The following CDH11 variants were observed in gnomAD, a reference collection of about 807,000 sequenced individuals.
CDH11 encodes cadherin-11.
CDH11 carries 11 observed loss-of-function variants against 67.8 expected under a neutral mutation model. The observed-to-expected ratio is 0.16, with a 90% confidence interval of 0.10 to 0.27. The LOEUF (loss-of-function observed/expected upper bound fraction) is 0.27, where lower values mean the gene tolerates loss of function less well. CDH11 is among the 10% of genes least tolerant of loss of function. The pLI, the probability that CDH11 is intolerant of heterozygous loss-of-function variation, is 1.00. For missense variants in CDH11, 847 were observed against 1,031.2 expected, an observed-to-expected ratio of 0.82 and a Z score of 2.45; for synonymous variants, 419 against 400.0, an observed-to-expected ratio of 1.05 and a Z score of -0.57.
chr16:65,006,486 C>A (rs2073057262), intron 2 of CDH11, among the ~76,000 whole-genome samples: 1 of 152,142 alleles, frequency 6.6e-6, no homozygotes, highest in South Asian at 2.1e-4. Context: ...ATTTTACAAT[C>A]TGGGTTACTC....
At position 65,032,325 on chromosome 16, in the gene CDH11, A is replaced by C. The variant is rs868648836; in HGVS notation, c.-173+21479T>G. On this transcript the variant is annotated intron_variant, in intron 2 of 12. Coordinates refer to ENST00000268603, the MANE Select transcript of CDH11 (RefSeq NM_001797.4). ...AACATGGAGAAACTCTGTCTCTCCC[A>C]AAAAAAAAAAAAAAAAAATCCAGGC... Among the ~76,000 whole-genome samples, 511 of 80,558 alleles carry C rather than the reference A, an allele frequency of 6.3e-3. 5 individuals carry two copies. The highest frequency in any genetic ancestry group is 3.1e-3 in the Non-Finnish European group (146 of 47,432). 52.8% of individuals were successfully genotyped at this position (80,558 alleles called of 152,430 possible). A position where few individuals can be genotyped will look rare whatever the true frequency, so the allele number is the denominator to read the frequency against.
chr16:64,949,672 T>C (rs2071303502), intron 12 of CDH11, among the ~76,000 whole-genome samples: 1 of 152,102 alleles, frequency 6.6e-6, no homozygotes, highest in Non-Finnish European at 1.5e-5. Flanking sequence ...GTGATCAGCC[T>C]GCCTCCGCCT....
intron 1 of CDH11, among the ~76,000 whole-genome samples, chr16:65,088,225 A>G (rs574092256): frequency 6.6e-6 from 1 of 152,220 alleles, no homozygotes; most frequent in Non-Finnish European, 1.5e-5. Flanking sequence ...ATCAGCTGGC[A>G]CCTTGATCTT....
intron 3 of CDH11, among the ~76,000 whole-genome samples, chr16:65,000,304 T>G (rs1336055331): frequency 6.6e-6 from 1 of 152,188 alleles, no homozygotes; most frequent in East Asian, 1.9e-4. Flanking sequence ...CGCCTTGTTG[T>G]TCAATCTCAA....
At chr16:65,120,374 G>A (rs927375894) in intron 1 of CDH11, among the ~76,000 whole-genome samples, 25 of 152,286 alleles carry the variant, frequency 1.6e-4, no homozygotes, top group African/African-American at 5.5e-4. Flanking sequence ...CCCAAGTGAT[G>A]AGGAAATTGA....
In CDH11 at chr16:64,998,474, C is replaced by T. The variant is rs928750845; in HGVS notation, c.523+88G>A. ...CATAAAAGATAAAGAAGAAGCTCTA[C>T]TTCCTGATTTGGGAGAACGGGCTTC... On this transcript the variant is annotated intron_variant, in intron 4 of 12. Coordinates refer to ENST00000268603, the MANE Select transcript of CDH11 (RefSeq NM_001797.4). 22 of 1,253,438 alleles carry T rather than the reference C, an allele frequency of 1.8e-5. No individual in the cohort carries two copies. The South Asian group carries it at 2.3e-4, about 13-fold the overall frequency. 77.6% of individuals were successfully genotyped at this position (1,253,438 alleles called of 1,614,324 possible). A position where few individuals can be genotyped will look rare whatever the true frequency, so the allele number is the denominator to read the frequency against.
At chr16:65,038,762 C>T (rs2073805866) in intron 2 of CDH11, among the ~76,000 whole-genome samples, 1 of 152,084 alleles carries the variant, frequency 6.6e-6, no homozygotes, top group Non-Finnish European at 1.5e-5. Flanking sequence ...AACAAAACAC[C>T]TTGGACACTT....
At chr16:65,063,985 T>C (rs1413456595) in intron 1 of CDH11, among the ~76,000 whole-genome samples, 1 of 152,200 alleles carries the variant, frequency 6.6e-6, no homozygotes, top group Non-Finnish European at 1.5e-5. Flanking sequence ...CAACATGTGT[T>C]GGGGATTTCA....
chr16:65,047,452 A>G (rs941977855), intron 2 of CDH11, among the ~76,000 whole-genome samples: 1 of 151,812 alleles, frequency 6.6e-6, no homozygotes, highest in Admixed American at 6.6e-5. Context: ...GCTGGGTTCA[A>G]GTGATTCTCC....
chr16:64,955,674 G>A (rs2071488591), intron 11 of CDH11, among the ~76,000 whole-genome samples: 1 of 152,098 alleles, frequency 6.6e-6, no homozygotes. Context: ...GAGCCCAGGA[G>A]TTCAAGGCTA....
intron 2 of CDH11, among the ~76,000 whole-genome samples, chr16:65,020,105 G>C: frequency 6.6e-6 from 1 of 152,280 alleles, no homozygotes; most frequent in South Asian, 2.1e-4. Flanking sequence ...ACATCAGATA[G>C]AAGTACAAAT....
chr16:65,009,019 A>T (rs1209883318), intron 2 of CDH11, among the ~76,000 whole-genome samples: 1 of 152,100 alleles, frequency 6.6e-6, no homozygotes, highest in Non-Finnish European at 1.5e-5. Context: ...AGGCACATCA[A>T]AATTAAGTAA....
intron 1 of CDH11, among the ~76,000 whole-genome samples, chr16:65,070,872 A>G (rs2074403423): frequency 6.6e-6 from 1 of 152,194 alleles, no homozygotes; most frequent in Non-Finnish European, 1.5e-5. Flanking sequence ...TTCAAAATGC[A>G]AGGCAAAATG....
chr16:65,106,051 T>C (rs912665915), intron 1 of CDH11, among the ~76,000 whole-genome samples: 12 of 152,160 alleles, frequency 7.9e-5, no homozygotes, highest in African/African-American at 2.9e-4. Context: ...TCAACTTGAT[T>C]TTCATTGCCC....
At chr16:64,966,908 C>T (rs1597027282) in intron 11 of CDH11, among the ~76,000 whole-genome samples, 2 of 152,112 alleles carry the variant, frequency 1.3e-5, no homozygotes, top group South Asian at 2.1e-4. Context: ...TGCAAACTGA[C>T]AAATATATAA....
intron 2 of CDH11, 27 bp downstream of exon 2, chr16:65,053,777 T>C (rs531606808): frequency 1.6e-4 from 73 of 455,910 alleles, no homozygotes; most frequent in Admixed American, 8.0e-4. Flanking sequence ...AATATGTGAA[T>C]TGTTCAGTAA....
rs771089094 is a variant in CDH11, at chr16:64,982,239, G to A, written c.1062C>T (p.Ile354=). ...GGCCATTGCTGATAAACTTCGGGTC[G>A]ATGTGCACGTTGGCTGCCTCTACCT... ...SLKVEAANVH[I]DPKFISNGPF... is the part of the protein sequence containing the mutation. Residue 354 remains isoleucine (I), a synonymous_variant, in exon 8 of 13, where the codon ATC becomes ATT. Coordinates refer to ENST00000268603, the MANE Select transcript of CDH11 (RefSeq NM_001797.4). 4.3e-6 allele frequency: 7 copies of A among 1,613,220 alleles called. No homozygotes were observed. Among genetic ancestry groups the A allele is most frequent in the East Asian group, 2.2e-5 (1 of 44,874 alleles).
intron 11 of CDH11, among the ~76,000 whole-genome samples, chr16:64,967,185 A>C (rs979700746): frequency 2.0e-5 from 3 of 152,174 alleles, no homozygotes; most frequent in African/African-American, 7.2e-5. Flanking sequence ...ATTAAGTAGC[A>C]ATAGCTTTTG....
intron 1 of CDH11, among the ~76,000 whole-genome samples, chr16:65,099,310 T>G: frequency 6.6e-6 from 1 of 152,226 alleles, no homozygotes; most frequent in East Asian, 1.9e-4. Flanking sequence ...CACTCATCTA[T>G]TCATGTCATC....
Sources: allele counts gnomAD v4.1 joint callset (sites outside exome capture counted in the v4.1 genomes callset), GRCh38; gene constraint gnomAD v4.1.1; transcripts MANE v1.5; gene names NCBI Gene and HGNC (gene_info 2026-07-23, HGNC 2026-07-21).